The following ZFAND1 variants were observed in gnomAD, a reference collection of about 807,000 sequenced individuals.
ZFAND1 encodes zinc finger AN1-type containing 1, also known as AN1-type zinc finger protein 1.
Under a neutral mutation model 38.5 loss-of-function variants are expected in ZFAND1, and 40 were observed. That is an observed-to-expected ratio of 1.04 (90% CI 0.81 to 1.35). ZFAND1 has a LOEUF of 1.35. Ranked by LOEUF, ZFAND1 falls within the 40% of genes most tolerant of loss-of-function variation. The pLI is 0.00. For synonymous variants in ZFAND1, 117 were observed against 103.6 expected (o/e 1.13, Z -0.78); for missense variants, 346 against 316.3 (o/e 1.09, Z -0.71).
intron 3 of ZFAND1, among the ~76,000 whole-genome samples, chr8:81,716,663 C>T (rs1031838552): frequency 1.3e-5 from 2 of 152,088 alleles, no homozygotes; most frequent in African/African-American, 4.8e-5. Flanking sequence ...AAATATATAG[C>T]CTTGGCTGGG....
intron 6 of ZFAND1, among the ~76,000 whole-genome samples, chr8:81,704,710 G>T (rs2130386844): frequency 6.6e-6 from 1 of 152,204 alleles, no homozygotes; most frequent in East Asian, 1.9e-4. Context: ...GTGGGGGAAA[G>T]ATCACAATTA....
At chr8:81,719,578 G>A (rs866645293) in intron 1 of ZFAND1, among the ~76,000 whole-genome samples, 2 of 152,028 alleles carry the variant, frequency 1.3e-5, no homozygotes, top group African/African-American at 2.4e-5. Context: ...AATATTTTGC[G>A]ACTTTTAATA....
rs117181436 is a variant in ZFAND1 at position 81,717,468 on chromosome 8, T to G, written c.99-180A>C. Among the ~76,000 whole-genome samples the G allele has an allele frequency of 6.8e-3, 1,030 of 152,240 alleles. 6 individuals carry two copies. The highest frequency in any genetic ancestry group is 0.01 in the Non-Finnish European group (711 of 67,978). On this transcript the variant is annotated intron_variant, in intron 2 of 7. Transcript: ENST00000220669. ...GATGGAGCATCTATAGTCTCAAAAGTTTTAAAACACAAATGTTCAACTTCA... is the reference window on the plus strand; with the variant it reads ...GATGGAGCATCTATAGTCTCAAAAGGTTTAAAACACAAATGTTCAACTTCA...
At chr8:81,719,310 AACACACACACACAC>A (rs71268018) in intron 1 of ZFAND1, among the ~76,000 whole-genome samples, 1,466 of 124,928 alleles carry the variant, frequency 0.012, 16 homozygotes, top group African/African-American at 0.042. Flanking sequence ...CTCTACTGAA[AACACACACACACAC>A]ACACACACAC....
chr8:81,714,066 T>C, intron 5 of ZFAND1, 27 bp from the exon 6 acceptor site: 1 of 1,559,116 alleles, frequency 6.4e-7, no homozygotes, highest in Non-Finnish European at 8.6e-7. Context: ...TGTAATCACA[T>C]AAAACTTTCA....
rs71268018 is a variant in ZFAND1, at chr8:81,719,310, A to AACACACACACACACACAC, written c.56-1104_56-1087dup. 1.7e-3 allele frequency among the ~76,000 whole-genome samples: 215 copies of AACACACACACACACACAC among 124,930 alleles called. 1 individual carries two copies. The highest frequency in any genetic ancestry group is 4.1e-3 in the Middle Eastern group (1 of 244). The allele number at this position is 124,930 out of a possible 152,430, so 82.0% of individuals were successfully genotyped here. ...ATGGCGAAACCCCATCTCTACTGAAAACACACACACACACACACACACACA... is the reference window on the plus strand; with the variant it reads ...ATGGCGAAACCCCATCTCTACTGAAAACACACACACACACACACACACACACACACACACACACACACA... On this transcript the variant is annotated intron_variant, in intron 1 of 7. Transcript: ENST00000220669.
chr8:81,713,212 TC>T (rs1460856955), intron 6 of ZFAND1, among the ~76,000 whole-genome samples: 1 of 152,156 alleles, frequency 6.6e-6, no homozygotes, highest in Non-Finnish European at 1.5e-5. Flanking sequence ...AAGCTCTGCC[TC>T]CCAGGTTCAT....
At chr8:81,703,851 AG>A (rs1807887081) in intron 6 of ZFAND1, among the ~76,000 whole-genome samples, 2 of 152,230 alleles carry the variant, frequency 1.3e-5, no homozygotes, top group African/African-American at 4.8e-5. Flanking sequence ...AGGTCAATGT[AG>A]AAAGAGAAAT....
rs1338430792 is a variant in ZFAND1 at position 81,721,291 on chromosome 8, G to T, written c.-10C>A. On this transcript the variant is annotated 5_prime_UTR_variant, in exon 1 of 8. Coordinates refer to ENST00000220669, the MANE Select transcript of ZFAND1 (RefSeq NM_024699.3). ...TGTCCAACTCCGCCATCTCTCCGGC[G>T]CCGTAAGGGGCGGGGCAAAGCCTGA... is the stretch of plus-strand genomic sequence containing the variant. The T allele has an allele frequency of 1.9e-6, 3 of 1,547,816 alleles. No homozygotes were observed. The highest frequency in any genetic ancestry group is 2.6e-6 in the Non-Finnish European group (3 of 1,146,924).
chr8:81,720,259 C>T (rs567439848), intron 1 of ZFAND1, among the ~76,000 whole-genome samples: 1 of 152,118 alleles, frequency 6.6e-6, no homozygotes. Flanking sequence ...TGTATGGCAT[C>T]CTGAAGCCAA....
At chr8:81,703,378 T>C (rs1267213545) in intron 6 of ZFAND1, among the ~76,000 whole-genome samples, 1 of 152,032 alleles carries the variant, frequency 6.6e-6, no homozygotes, top group African/African-American at 2.4e-5. Context: ...GTTCCTGGGA[T>C]TTTATGTTCA....
rs1291781756 is a variant in ZFAND1 at position 81,706,080 on chromosome 8, C to T, written c.481-2956G>A. 9.2e-5 allele frequency among the ~76,000 whole-genome samples: 14 copies of T among 152,114 alleles called. No homozygotes were observed. In the East Asian group the frequency reaches 1.9e-3, roughly 21 times the overall value. On this transcript the variant is annotated intron_variant, in intron 6 of 7. Transcript: ENST00000220669. ...ACGGAATAATTAAAATAAATCCACA[C>T]GTAGAAACATTCCACAGAAATTGGA... is the stretch of plus-strand genomic sequence containing the variant.
chr8:81,717,065 G>C (rs1425118821), intron 3 of ZFAND1, among the ~76,000 whole-genome samples, 184 bp downstream of exon 3: 1 of 152,058 alleles, frequency 6.6e-6, no homozygotes. Flanking sequence ...CAAATACCAA[G>C]TAAAACAATT....
intron 2 of ZFAND1, among the ~76,000 whole-genome samples, 176 bp downstream of exon 2, chr8:81,718,006 G>C (rs1446283185): frequency 6.6e-6 from 1 of 151,742 alleles, no homozygotes; most frequent in African/African-American, 2.4e-5. Flanking sequence ...CCCACTTTTG[G>C]AAGTTTAAAA....
rs772779376 is a variant in ZFAND1, at chr8:81,721,237, G to A, written c.45C>T (p.Cys15=). The A allele has an allele frequency of 3.4e-5, 52 of 1,548,612 alleles. No homozygotes were observed. The highest frequency in any genetic ancestry group is 4.4e-5 in the Non-Finnish European group (50 of 1,147,072). ...AAGCTCCCGGATCACCTCGCTGCCG[G>A]CAATGCTCCACCTGGCAGTGCTGCC... is the stretch of plus-strand genomic sequence containing the variant. ...DIGQHCQVEH[C]RQRDFLPFVC... Residue 15 remains cysteine (C), a synonymous_variant, in exon 1 of 8, where the codon TGC becomes TGT. Transcript: ENST00000220669.
At position 81,721,263 on chromosome 8, in the gene ZFAND1, C is replaced by G. The variant is rs569073548; in HGVS notation, c.19G>C (p.Gly7Arg). Residue 7 changes from glycine (G) to arginine (R), a missense_variant, in exon 1 of 8, where the codon GGG (glycine) becomes CGG (arginine). Physicochemically the swap from Gly to Arg is moderately radical, Grantham distance 125. Coordinates refer to ENST00000220669, the MANE Select transcript of ZFAND1 (RefSeq NM_024699.3). ...CAATGCTCCACCTGGCAGTGCTGCC[C>G]GATGTCCAACTCCGCCATCTCTCCG... Reference protein sequence around the residue: MAELDIGQHCQVEHCRQ... With the variant: MAELDIRQHCQVEHCRQ... The G allele has an allele frequency of 1.7e-5, 27 of 1,549,136 alleles. No individual in the cohort carries two copies. Among genetic ancestry groups the G allele is most frequent in the African/African-American group, 6.8e-5 (5 of 73,102 alleles).
intron 6 of ZFAND1, among the ~76,000 whole-genome samples, chr8:81,709,768 T>C (rs780193402): frequency 5.9e-5 from 9 of 152,180 alleles, no homozygotes; most frequent in Non-Finnish European, 8.8e-5. Context: ...TATTGTTAAG[T>C]GTGTGAAGAA....
At chr8:81,709,586 T>A (rs1430621960) in intron 6 of ZFAND1, among the ~76,000 whole-genome samples, 1 of 152,102 alleles carries the variant, frequency 6.6e-6, no homozygotes, top group Non-Finnish European at 1.5e-5. Context: ...CAAATACACT[T>A]ACACATATAC....
chr8:81,713,795 T>G, intron 6 of ZFAND1, 123 bp downstream of exon 6: 1 of 961,974 alleles, frequency 1.0e-6, no homozygotes, highest in Non-Finnish European at 1.6e-6. Context: ...ACATATACCA[T>G]GCAACATTAA....
Sources: gnomAD v4.1 joint callset for allele counts (sites outside exome capture counted in the v4.1 genomes callset) on GRCh38, gnomAD v4.1.1 for gene constraint, MANE v1.5 for transcripts, NCBI Gene and HGNC (gene_info 2026-07-23, HGNC 2026-07-21) for gene names.